WDR20: variants seen among roughly 807,000 people sequenced by gnomAD.
WDR20 encodes WD repeat domain 20.
A neutral mutation model predicts 38.7 loss-of-function variants in WDR20; 3 were observed. The ratio of observed to expected loss-of-function variants is 0.08; its 90% confidence interval spans 0.04 to 0.20. The LOEUF (loss-of-function observed/expected upper bound fraction) is 0.20. Among genes scored for constraint, WDR20 ranks in the 10% least tolerant of loss-of-function variants. The pLI, the probability that WDR20 is intolerant of heterozygous loss-of-function variation, is 1.00. For synonymous variants in WDR20, 298 were observed against 285.6 expected, an observed-to-expected ratio of 1.04 and a Z score of -0.44; for missense variants, 559 against 727.7, an observed-to-expected ratio of 0.77 and a Z score of 2.67.
At chr14:102,180,933 A>G (rs1247335247) in intron 1 of WDR20, among the ~76,000 whole-genome samples, 1 of 152,174 alleles carries the variant, frequency 6.6e-6, no homozygotes, top group South Asian at 2.1e-4. Context: ...TTTGGTGAGT[A>G]TTTGGCTGCA....
Position 102,222,880 on chromosome 14 carries a change from G to A in WDR20, c.1743G>A (p.Val581=), listed in dbSNP as rs779519020. The change falls in exon 4 of 4, where the codon GTG becomes GTA. Residue 581 remains valine, a synonymous_variant. Coordinates refer to the WDR20 transcript ENST00000335263. The surrounding 1 kb of genome is among the most constrained non-coding windows in gnomAD (Gnocchi z 4.4). ...CCAGTTCTCCAGGTGGAACTGTAGT[G>A]TAGCGACCTCACTGCTGCGCGCACA... 46 of 1,614,082 alleles carry A rather than the reference G, an allele frequency of 2.8e-5. No individual in the cohort carries two copies. The South Asian group carries it at 4.9e-4, about 17-fold the overall frequency.
At chr14:102,158,939 C>T (rs369551588) in intron 1 of WDR20, among the ~76,000 whole-genome samples, 7 of 152,076 alleles carry the variant, frequency 4.6e-5, no homozygotes, top group Admixed American at 2.0e-4. Context: ...CTGACACCCA[C>T]TCATTTTCTT....
intron 1 of WDR20, among the ~76,000 whole-genome samples, chr14:102,163,702 C>T (rs2059223390): frequency 6.7e-6 from 1 of 148,760 alleles, no homozygotes; most frequent in African/African-American, 2.5e-5. Flanking sequence ...AAGACAGTCA[C>T]AACCTCCAAT....
chr14:102,139,713 C>A (rs1455953708), upstream of WDR20: 3 of 743,384 alleles, frequency 4.0e-6, no homozygotes, highest in Non-Finnish European at 6.4e-6. Context: ...GACGCCCAGT[C>A]GGGTGGAGCA....
chr14:102,164,745 C>T (rs367699230), intron 1 of WDR20, among the ~76,000 whole-genome samples: 2 of 152,184 alleles, frequency 1.3e-5, no homozygotes, highest in African/African-American at 4.8e-5. Context: ...ACCTCCTTTG[C>T]TAGTTCTTTC....
chr14:102,183,056 G>A (rs73347427), intron 1 of WDR20, among the ~76,000 whole-genome samples: 3,416 of 151,792 alleles, frequency 0.023, 123 homozygotes, highest in African/African-American at 0.078. Context: ...AGAGCTCTCC[G>A]TCTCAGAGAG....
chr14:102,154,530 G>A (rs1256114192), intron 1 of WDR20, among the ~76,000 whole-genome samples: 3 of 152,090 alleles, frequency 2.0e-5, no homozygotes, highest in Non-Finnish European at 4.4e-5. Flanking sequence ...GAATTTTGAG[G>A]GGACACAAAC....
intron 1 of WDR20, among the ~76,000 whole-genome samples, chr14:102,149,433 A>G (rs953433066): frequency 2.0e-5 from 3 of 152,226 alleles, no homozygotes; most frequent in Middle Eastern, 3.2e-3. Flanking sequence ...GGTGAAGTGG[A>G]AAAGTATTTC....
chr14:102,149,453 TAGA>T (rs1358985829), intron 1 of WDR20, among the ~76,000 whole-genome samples: 1 of 152,250 alleles, frequency 6.6e-6, no homozygotes, highest in Non-Finnish European at 1.5e-5. Flanking sequence ...CTCTGCCTAG[TAGA>T]AGAATATTGC....
At chr14:102,174,905 TATTA>T (rs2061727556) in intron 1 of WDR20, among the ~76,000 whole-genome samples, 1 of 152,332 alleles carries the variant, frequency 6.6e-6, no homozygotes, top group African/African-American at 2.4e-5. Flanking sequence ...GGATTATTAT[TATTA>T]ATTATTTTCT....
At chr14:102,144,013 C>G (rs1470927931) in intron 1 of WDR20, among the ~76,000 whole-genome samples, 2 of 56,390 alleles carry the variant, frequency 3.5e-5, no homozygotes, top group Non-Finnish European at 9.1e-5. Flanking sequence ...CCTGTGTCCA[C>G]AAAAAAATAA....
At chr14:102,182,763 CCT>C (rs1317299650) in intron 1 of WDR20, among the ~76,000 whole-genome samples, 1 of 151,758 alleles carries the variant, frequency 6.6e-6, no homozygotes, top group Non-Finnish European at 1.5e-5. Flanking sequence ...AATATTACCC[CCT>C]CTTTTAATGG....
intron 1 of WDR20, among the ~76,000 whole-genome samples, chr14:102,194,253 G>A (rs907647333): frequency 6.6e-6 from 1 of 152,206 alleles, no homozygotes; most frequent in African/African-American, 2.4e-5. Flanking sequence ...TTATGGCCTC[G>A]ATAAGTAATG....
downstream of WDR20, chr14:102,224,805 AAAT>A (rs1159194930): frequency 4.4e-6 from 2 of 456,042 alleles, no homozygotes; most frequent in Admixed American, 2.3e-5. Context: ...CTAGAAAGAG[AAAT>A]AATAAAAGAC....
In WDR20 at chr14:102,193,134, TG is replaced by T. The variant is rs150129299; in HGVS notation, c.250-1803del. 4.4e-3 allele frequency among the ~76,000 whole-genome samples: 656 copies of T among 150,674 alleles called. 7 individuals are homozygous for T. Among genetic ancestry groups the T allele is most frequent in the African/African-American group, 0.014 (570 of 41,214 alleles). On this transcript the variant is annotated intron_variant, in intron 1 of 2. Transcript: ENST00000342702. Reference sequence around the variant, plus strand: ...ATTTTATATTTGTAGGTTTTTTTTTTGTTTTTTTTTTTGTGGCTGTCTTCCT... The same window carrying T: ...ATTTTATATTTGTAGGTTTTTTTTTTTTTTTTTTTTTGTGGCTGTCTTCCT...
chr14:102,140,499 C>G (rs915755660), intron 1 of WDR20, among the ~76,000 whole-genome samples: 1 of 152,090 alleles, frequency 6.6e-6, no homozygotes, highest in Non-Finnish European at 1.5e-5. Flanking sequence ...CTGCGAGTCC[C>G]CGGAAGAGGT....
intron 2 of WDR20, among the ~76,000 whole-genome samples, chr14:102,205,331 A>T (rs1035926087): frequency 2.0e-5 from 3 of 152,148 alleles, no homozygotes; most frequent in Non-Finnish European, 4.4e-5. Context: ...CTTTGGTATG[A>T]AAAAGAAGAG....
At chr14:102,189,433 C>A (rs1396274520) in intron 1 of WDR20, among the ~76,000 whole-genome samples, 5 of 152,100 alleles carry the variant, frequency 3.3e-5, no homozygotes, top group African/African-American at 4.8e-5. Flanking sequence ...AACTCATGAG[C>A]ATAATGATAA....
At position 102,194,925 on chromosome 14, in the gene WDR20, C is replaced by G; in HGVS notation, c.250-13C>G. On this transcript the variant is annotated splice_polypyrimidine_tract_variant and intron_variant, in intron 1 of 2. Coordinates refer to ENST00000342702, the MANE Select transcript of WDR20 (RefSeq NM_144574.4). ...TGCTGTTTACTGTATGTATTTTTCTCTTTCTCCTCCAGGCTGCTGACTTGA... is the reference window on the plus strand; with the variant it reads ...TGCTGTTTACTGTATGTATTTTTCTGTTTCTCCTCCAGGCTGCTGACTTGA... 2 of 1,611,888 alleles carry G rather than the reference C, an allele frequency of 1.2e-6. No individual in the cohort carries two copies. The highest frequency in any genetic ancestry group is 1.1e-5 in the South Asian group (1 of 90,734).
Sources: allele counts gnomAD v4.1 joint callset (sites outside exome capture counted in the v4.1 genomes callset), GRCh38; gene constraint gnomAD v4.1.1; non-coding constraint Gnocchi (gnomAD v3.1); transcripts MANE v1.5; gene names NCBI Gene and HGNC (gene_info 2026-07-23, HGNC 2026-07-21).